Variants in TP63 observed in about 807,000 individuals in gnomAD.
TP63 encodes tumor protein p63, also known as tumor protein 63.
Under a neutral mutation model 82.8 loss-of-function variants are expected in TP63, and 17 were observed. That is an observed-to-expected ratio of 0.21 (90% CI 0.14 to 0.31). The LOEUF (loss-of-function observed/expected upper bound fraction) is 0.31, where lower values mean the gene tolerates loss of function less well. Ranked by LOEUF, TP63 falls within the 10% of genes least tolerant of loss-of-function variation. The pLI, the probability that TP63 is intolerant of heterozygous loss-of-function variation, is 1.00. For missense variants in TP63, 648 were observed against 895.3 expected (o/e 0.72, Z 3.52); for synonymous variants, 330 against 321.7 (o/e 1.03, Z -0.28).
rs1209841422 is a variant in TP63 at position 189,869,378 on chromosome 3, C to T, written c.1184C>T (p.Ser395Phe). Residue 395 changes from serine (S) to phenylalanine (F), a missense_variant, in exon 9 of 14, where the codon TCC (serine) becomes TTC (phenylalanine). This residue lies in a region of TP63 where 342 missense variants were observed against 425.7 expected (regional missense o/e 0.80). Coordinates refer to ENST00000264731, the MANE Select transcript of TP63 (RefSeq NM_003722.5). The stretch of plus-strand genomic sequence containing the variant: ...ATGACATCCATCAAGAAACGAAGAT[C>T]CCCAGATGATGAACTGTTATACTTA... ...IQMTSIKKRR[S>F]PDDELLYLPV... The T allele has an allele frequency of 1.9e-6, 3 of 1,613,886 alleles. No homozygotes were observed. The highest frequency in any genetic ancestry group is 1.3e-5 in the African/African-American group (1 of 74,908).
intron 1 of TP63, among the ~76,000 whole-genome samples, chr3:189,651,889 C>T (rs1394386888): frequency 6.8e-6 from 1 of 147,166 alleles, no homozygotes; most frequent in Admixed American, 6.7e-5. Context: ...GGTGCAAGCT[C>T]CAAGCTTTGG....
chr3:189,785,618 G>C (rs1406915108), intron 3 of TP63, among the ~76,000 whole-genome samples: 2 of 152,060 alleles, frequency 1.3e-5, no homozygotes, highest in African/African-American at 4.8e-5. Flanking sequence ...GGACCGGAAT[G>C]AACAGAAGGA....
At chr3:189,867,666 G>A (rs531299759) in intron 6 of TP63, among the ~76,000 whole-genome samples, 167 bp from the exon 7 acceptor site, 3 of 152,158 alleles carry the variant, frequency 2.0e-5, no homozygotes, top group Non-Finnish European at 4.4e-5. Flanking sequence ...AAGCTTCCCC[G>A]CAGGCAAGAT....
At chr3:189,882,182 T>A (rs149577151) in intron 10 of TP63, among the ~76,000 whole-genome samples, 14 of 152,220 alleles carry the variant, frequency 9.2e-5, no homozygotes, top group African/African-American at 2.6e-4. Flanking sequence ...GATTGGTGAG[T>A]ATGTTTCGTT....
At chr3:189,636,518 A>G (rs1260534264) in intron 1 of TP63, among the ~76,000 whole-genome samples, 1 of 152,096 alleles carries the variant, frequency 6.6e-6, no homozygotes, top group African/African-American at 2.4e-5. Context: ...GGAGATTGTG[A>G]TTTTAAGCAA....
chr3:189,621,469 C>T, the TP63 span, among the ~76,000 whole-genome samples: 1 of 151,754 alleles, frequency 6.6e-6, no homozygotes, highest in Non-Finnish European at 1.5e-5. Context: ...TACACACATG[C>T]ATACTTATAT....
intron 3 of TP63, among the ~76,000 whole-genome samples, chr3:189,783,313 T>C (rs948766010): frequency 4.6e-5 from 7 of 152,018 alleles, no homozygotes; most frequent in African/African-American, 1.7e-4. Context: ...GTATTTAGTA[T>C]GTGTACACCT....
At chr3:189,805,874 C>T (rs1210987124) in intron 3 of TP63, among the ~76,000 whole-genome samples, 5 of 152,044 alleles carry the variant, frequency 3.3e-5, no homozygotes, top group African/African-American at 9.7e-5. Flanking sequence ...GGCCAAAAAC[C>T]CTGGCTCAAA....
At chr3:189,637,753 C>T (rs1389559098) in intron 1 of TP63, among the ~76,000 whole-genome samples, 1 of 152,124 alleles carries the variant, frequency 6.6e-6, no homozygotes, top group Non-Finnish European at 1.5e-5. Context: ...AAGATAGCCA[C>T]ATCCTAATCC....
At chr3:189,836,752 G>A (rs968900917) in intron 4 of TP63, among the ~76,000 whole-genome samples, 6 of 152,004 alleles carry the variant, frequency 3.9e-5, no homozygotes, top group African/African-American at 1.2e-4. Flanking sequence ...TCTAACACTC[G>A]CCTCAGTTCA....
chr3:189,791,997 G>C (rs1576965734), intron 3 of TP63, among the ~76,000 whole-genome samples: 1 of 152,170 alleles, frequency 6.6e-6, no homozygotes, highest in East Asian at 1.9e-4. Context: ...AAAACTCCCT[G>C]TAAGAGTGAA....
chr3:189,802,437 T>C (rs1326569580), intron 3 of TP63, among the ~76,000 whole-genome samples: 1 of 152,214 alleles, frequency 6.6e-6, no homozygotes, highest in East Asian at 1.9e-4. Context: ...CTGTTTTGAA[T>C]GTGGTCTTAT....
chr3:189,701,265 A>G (rs1258290942), intron 1 of TP63, among the ~76,000 whole-genome samples: 2 of 152,196 alleles, frequency 1.3e-5, no homozygotes, highest in South Asian at 2.1e-4. Flanking sequence ...TCTCTAATGA[A>G]AGGGAATTAA....
intron 3 of TP63, among the ~76,000 whole-genome samples, chr3:189,744,269 T>C (rs554757166): frequency 1.3e-5 from 2 of 152,270 alleles, no homozygotes; most frequent in East Asian, 3.9e-4. Flanking sequence ...GGGGCTGAGA[T>C]GCAAGCAAAG....
At chr3:189,695,318 G>T (rs1717291042) in intron 1 of TP63, among the ~76,000 whole-genome samples, 2 of 151,884 alleles carry the variant, frequency 1.3e-5, no homozygotes, top group Non-Finnish European at 2.9e-5. Flanking sequence ...GTGTCCCTTT[G>T]ATATACTCAT....
At chr3:189,723,574 G>A (rs1719551421) in intron 1 of TP63, among the ~76,000 whole-genome samples, 1 of 152,106 alleles carries the variant, frequency 6.6e-6, no homozygotes, top group South Asian at 2.1e-4. Context: ...GCCATATACT[G>A]TGCTAATCTG....
chr3:189,782,312 C>T (rs1046135763), intron 3 of TP63, among the ~76,000 whole-genome samples: 1 of 152,102 alleles, frequency 6.6e-6, no homozygotes, highest in Non-Finnish European at 1.5e-5. Flanking sequence ...AGGTGAAACC[C>T]GAAGCCCAGG....
chr3:189,739,568 GA>G (rs1422204366), intron 3 of TP63, among the ~76,000 whole-genome samples: 1 of 152,166 alleles, frequency 6.6e-6, no homozygotes, highest in East Asian at 1.9e-4. Context: ...TAAGAGGGAG[GA>G]AAAAAACTAA....
intron 10 of TP63, among the ~76,000 whole-genome samples, chr3:189,884,978 C>G (rs1482306555): frequency 6.6e-6 from 1 of 152,084 alleles, no homozygotes; most frequent in East Asian, 1.9e-4. Flanking sequence ...TGATTTTTTT[C>G]AAATATTATG....
Sources: allele counts gnomAD v4.1 joint callset (sites outside exome capture counted in the v4.1 genomes callset), GRCh38; gene constraint gnomAD v4.1.1; regional missense constraint gnomAD v4.1.1; transcripts MANE v1.5; gene names NCBI Gene and HGNC (gene_info 2026-07-23, HGNC 2026-07-21).